Variants in CNBD1 observed in about 807,000 individuals in gnomAD.
CNBD1 encodes the protein cyclic nucleotide binding domain containing 1.
CNBD1 carries 71 observed loss-of-function variants against 54.4 expected under a neutral mutation model. The observed-to-expected ratio is 1.30, with a 90% confidence interval of 1.08 to 1.59. The LOEUF (loss-of-function observed/expected upper bound fraction) is 1.59, where lower values mean the gene tolerates loss of function less well. Among genes scored for constraint, CNBD1 ranks in the 40% most tolerant of loss-of-function variants. The pLI is 0.00. For synonymous variants in CNBD1, 182 were observed against 170.7 expected (o/e 1.07, Z -0.51); for missense variants, 659 against 518.0 (o/e 1.27, Z -2.64).
chr8:87,380,722 T>G (rs191380991), intron 10 of CNBD1, among the ~76,000 whole-genome samples: 1 of 152,026 alleles, frequency 6.6e-6, no homozygotes, highest in Non-Finnish European at 1.5e-5. Context: ...AGTAAACAAG[T>G]CTTTTACCTC....
chr8:87,012,728 T>C (rs1194749269), intron 4 of CNBD1, among the ~76,000 whole-genome samples: 3 of 152,194 alleles, frequency 2.0e-5, no homozygotes, highest in Non-Finnish European at 4.4e-5. Flanking sequence ...TTCCTTTCTA[T>C]CAATACCAGG....
At chr8:87,391,727 A>G (rs1178443694) in intron 2 of CNBD1, among the ~76,000 whole-genome samples, 1 of 152,068 alleles carries the variant, frequency 6.6e-6, no homozygotes, top group Non-Finnish European at 1.5e-5. Context: ...AAGAACTAAA[A>G]CTGTACAACT....
intron 1 of CNBD1, among the ~76,000 whole-genome samples, chr8:86,870,864 T>C (rs1563805653): frequency 6.6e-6 from 1 of 151,992 alleles, no homozygotes; most frequent in African/African-American, 2.4e-5. Context: ...GAGTAAAAGG[T>C]GGGAAAAAGG....
chr8:87,058,621 G>T (rs921373184), intron 4 of CNBD1, among the ~76,000 whole-genome samples: 1 of 152,094 alleles, frequency 6.6e-6, no homozygotes. Flanking sequence ...TCTAAGGCTG[G>T]GGGCTTGCCT....
chr8:87,135,587 G>C (rs1000859315), intron 4 of CNBD1, among the ~76,000 whole-genome samples: 1 of 146,594 alleles, frequency 6.8e-6, no homozygotes, highest in African/African-American at 2.5e-5. Context: ...TAATATATAT[G>C]CTATATAAAC....
intron 4 of CNBD1, among the ~76,000 whole-genome samples, chr8:87,007,548 A>G (rs928798931): frequency 2.2e-4 from 34 of 151,976 alleles, no homozygotes; most frequent in Non-Finnish European, 7.4e-5. Flanking sequence ...TCCCACTAAG[A>G]TAAGTTTTCT....
At chr8:87,221,008 A>G (rs1175539210) in intron 5 of CNBD1, among the ~76,000 whole-genome samples, 1 of 152,054 alleles carries the variant, frequency 6.6e-6, no homozygotes, top group Non-Finnish European at 1.5e-5. Flanking sequence ...GTCACTCCTG[A>G]CTGTGGCTGT....
intron 4 of CNBD1, among the ~76,000 whole-genome samples, chr8:87,188,202 C>A (rs890311667): frequency 1.3e-5 from 2 of 152,108 alleles, no homozygotes; most frequent in Non-Finnish European, 2.9e-5. Flanking sequence ...GAAACATTTG[C>A]GAATGTCTCT....
At chr8:87,304,238 A>T (rs79406918) in intron 8 of CNBD1, among the ~76,000 whole-genome samples, 53,217 of 150,754 alleles carry the variant, frequency 0.35, 9,464 homozygotes, top group Middle Eastern at 0.45. Context: ...AACAAACCCA[A>T]ATGTCCAACA....
At chr8:87,309,275 A>T (rs1809217156) in intron 8 of CNBD1, among the ~76,000 whole-genome samples, 1 of 152,120 alleles carries the variant, frequency 6.6e-6, no homozygotes, top group Non-Finnish European at 1.5e-5. Context: ...ATAGCCATTA[A>T]AACTAGGATA....
In CNBD1 at chr8:87,284,830, A is replaced by G. The variant is rs756194307; in HGVS notation, c.909+15A>G. 4.1e-5 allele frequency: 63 copies of G among 1,535,492 alleles called. No individual in the cohort carries two copies. Among genetic ancestry groups the G allele is most frequent in the Non-Finnish European group, 5.4e-5 (61 of 1,138,048 alleles). Reference sequence around the variant, plus strand: ...AGATAAAGGAGGTAAGATGATATCTAATATTTTATATAAACAAAAATTGGG... The same window carrying G: ...AGATAAAGGAGGTAAGATGATATCTGATATTTTATATAAACAAAAATTGGG... On this transcript the variant is annotated intron_variant, in intron 7 of 10. Transcript: ENST00000518476.
rs1358160395 is a variant in CNBD1, at chr8:87,420,768, TTTC to T, written c.214-7772_214-7770del. ...CCCTGCTATAAATTGTTTGCTTGAT[TTTC>T]TTCTTTTTTTTTTTTTGACAGTCGT... On this transcript the variant is annotated intron_variant, in intron 2 of 7. Transcript: ENST00000521593. Among the ~76,000 whole-genome samples, 14 of 151,426 alleles carry T rather than the reference TTTC, an allele frequency of 9.2e-5. No individual in the cohort carries two copies. The East Asian group carries it at 1.7e-3, about 19-fold the overall frequency.
At chr8:87,017,838 T>A (rs1488068078) in intron 4 of CNBD1, among the ~76,000 whole-genome samples, 1 of 152,226 alleles carries the variant, frequency 6.6e-6, no homozygotes, top group Non-Finnish European at 1.5e-5. Context: ...GGCAATATAG[T>A]TGTCTGCATA....
chr8:87,014,888 T>C (rs1809320570), intron 4 of CNBD1, among the ~76,000 whole-genome samples: 2 of 152,024 alleles, frequency 1.3e-5, no homozygotes, highest in South Asian at 2.1e-4. Flanking sequence ...AATTATTTTA[T>C]ACAAAAAAGA....
chr8:87,228,805 C>G (rs923350507), intron 5 of CNBD1, among the ~76,000 whole-genome samples: 1 of 152,200 alleles, frequency 6.6e-6, no homozygotes, highest in African/African-American at 2.4e-5. Context: ...TTTACCTAAT[C>G]AAGCCTGGGC....
At chr8:87,401,886 C>T (rs1807573101) in intron 2 of CNBD1, among the ~76,000 whole-genome samples, 1 of 151,936 alleles carries the variant, frequency 6.6e-6, no homozygotes, top group Non-Finnish European at 1.5e-5. Flanking sequence ...GATATAAGGG[C>T]CCTCTCTTCC....
At chr8:87,268,972 G>A (rs1808313590) in intron 6 of CNBD1, among the ~76,000 whole-genome samples, 1 of 151,890 alleles carries the variant, frequency 6.6e-6, no homozygotes, top group Non-Finnish European at 1.5e-5. Flanking sequence ...ATTACCTTTG[G>A]GGACTTAGTT....
At chr8:87,372,722 C>A (rs1032964913) in intron 10 of CNBD1, among the ~76,000 whole-genome samples, 2 of 151,796 alleles carry the variant, frequency 1.3e-5, no homozygotes. Context: ...AATTCTCAAA[C>A]TTTTATGTGG....
intron 8 of CNBD1, among the ~76,000 whole-genome samples, chr8:87,307,741 A>AAAT (rs2130887969): frequency 1.2e-5 from 1 of 84,330 alleles, no homozygotes; most frequent in Non-Finnish European, 2.8e-5. Flanking sequence ...CCGTCTCAAA[A>AAAT]AAAAAATTAT....
Sources: allele counts gnomAD v4.1 joint callset (sites outside exome capture counted in the v4.1 genomes callset), GRCh38; gene constraint gnomAD v4.1.1; transcripts MANE v1.5; gene names NCBI Gene and HGNC (gene_info 2026-07-23, HGNC 2026-07-21).